Variants in ATP13A2 observed in about 807,000 individuals in gnomAD.
The protein encoded by ATP13A2 is ATPase cation transporting 13A2.
A neutral mutation model predicts 138.3 loss-of-function variants in ATP13A2; 83 were observed. The observed-to-expected ratio is 0.60, with a 90% CI of 0.50 to 0.72. ATP13A2 has a LOEUF of 0.72. Among genes scored for constraint, ATP13A2 ranks in the 30% least tolerant of loss-of-function variants. The pLI is 0.00. For synonymous variants in ATP13A2, 663 were observed against 699.0 expected, an observed-to-expected ratio of 0.95 and a Z score of 0.81; for missense variants, 1,402 against 1,606.4, an observed-to-expected ratio of 0.87 and a Z score of 2.17.
chr1:16,989,074 C>T (rs1553165750), intron 23 of ATP13A2, among the ~76,000 whole-genome samples: 1 of 150,594 alleles, frequency 6.6e-6, no homozygotes, highest in Non-Finnish European at 1.5e-5. Flanking sequence ...CGCCACCATG[C>T]CCAACTAATT....
rs1390107559 is a variant in ATP13A2, at chr1:16,995,590, A to C, written c.1542+386T>G. On this transcript the variant is annotated intron_variant, in intron 15 of 28. Transcript: ENST00000326735. The surrounding 1 kb of genome is among the most constrained non-coding windows in gnomAD (Gnocchi z 4.1). Reference sequence around the variant, plus strand: ...AGCCTCCCGAGTAGCTGGGATTACAAGCATGTGCCATCATGCCTGGCTAAC... The same window carrying C: ...AGCCTCCCGAGTAGCTGGGATTACACGCATGTGCCATCATGCCTGGCTAAC... 31 of 347,196 alleles carry C rather than the reference A, an allele frequency of 8.9e-5. No homozygotes were observed. The Admixed American group carries it at 1.2e-3, about 14-fold the overall frequency. 21.5% of individuals were successfully genotyped at this position (347,196 alleles called of 1,614,324 possible).
At chr1:16,998,010 AAC>A (rs2077206750) in intron 11 of ATP13A2, among the ~76,000 whole-genome samples, 1 of 152,164 alleles carries the variant, frequency 6.6e-6, no homozygotes, top group Non-Finnish European at 1.5e-5. Flanking sequence ...CTGCCTAGCA[AAC>A]AGTGGCACTC....
At position 16,986,058 on chromosome 1, in the gene ATP13A2, T is replaced by C; in HGVS notation, c.*163A>G. The stretch of plus-strand genomic sequence containing the variant: ...CGGGATGGTCCAAGGTAGGGGACAG[T>C]AGTCAACGCTTCCCCAGGGTGGGGG... On this transcript the variant is annotated 3_prime_UTR_variant, in exon 29 of 29. Transcript: ENST00000326735. This position sits in a 1 kb window ranked among gnomAD's most constrained non-coding sequence, Gnocchi z 6.9. The C allele has an allele frequency of 1.3e-6, 2 of 1,509,684 alleles. No individual in the cohort carries two copies. Among genetic ancestry groups the C allele is most frequent in the Non-Finnish European group, 1.8e-6 (2 of 1,126,776 alleles). 93.5% of individuals were successfully genotyped at this position (1,509,684 alleles called of 1,614,324 possible).
At chr1:17,001,977 GC>G (rs2077374476) in intron 8 of ATP13A2, 56 bp downstream of exon 8, 2 of 1,558,636 alleles carry the variant, frequency 1.3e-6, no homozygotes, top group East Asian at 4.6e-5. Context: ...CAAGCCCTGG[GC>G]CAAGGTCACA....
chr1:16,988,462 G>A lies in ATP13A2; in HGVS notation c.2622C>T (p.Gly874=), dbSNP rs2076813210. The change falls in exon 24 of 29, where the codon GGC becomes GGT. Residue 874 remains glycine (G), a synonymous_variant. Coordinates refer to ENST00000326735, the MANE Select transcript of ATP13A2 (RefSeq NM_022089.4). ...CELQKLQYCV[G]MCGDGANDCG... is the part of the protein sequence containing the mutation. ...AGTCATTGGCGCCGTCTCCGCACAT[G>A]CCCACGCAGTACCTGAAGAGAGGTG... The A allele has an allele frequency of 3.1e-6, 5 of 1,613,736 alleles. No individual in the cohort carries two copies. In the South Asian group the frequency reaches 5.5e-5, roughly 18 times the overall value.
rs1047701202 is a variant in ATP13A2, at chr1:16,986,764, C to T, written c.3235+41G>A. The T allele has an allele frequency of 1.3e-6, 2 of 1,588,466 alleles. No homozygotes were observed. Among genetic ancestry groups the T allele is most frequent in the South Asian group, 1.1e-5 (1 of 88,630 alleles). Reference sequence around the variant, plus strand: ...CTCCCCAGCACCCCAGGGCTCCTCCCTCCCTCCGCCAGCATCTCCCGCCCG... The same window carrying T: ...CTCCCCAGCACCCCAGGGCTCCTCCTTCCCTCCGCCAGCATCTCCCGCCCG... On this transcript the variant is annotated intron_variant, in intron 27 of 28. Transcript: ENST00000326735. The surrounding 1 kb of genome is among the most constrained non-coding windows in gnomAD (Gnocchi z 6.9).
Position 16,998,259 on chromosome 1 carries a change from C to CA in ATP13A2, c.1040-1085dup, listed in dbSNP as rs1182389995. On this transcript the variant is annotated intron_variant, in intron 11 of 28. Transcript: ENST00000326735. The stretch of plus-strand genomic sequence containing the variant: ...TTACTCTGTCACCCAGGCTGGAGTG[C>CA]AGTGGTGCGATCTCGGCTCACTGCA... Among the ~76,000 whole-genome samples the CA allele has an allele frequency of 2.6e-5, 4 of 152,088 alleles. No homozygotes were observed. In the South Asian group the frequency reaches 8.3e-4, roughly 32 times the overall value.
At chr1:17,001,599 C>T (rs955093258) in intron 8 of ATP13A2, among the ~76,000 whole-genome samples, 1 of 152,202 alleles carries the variant, frequency 6.6e-6, no homozygotes, top group African/African-American at 2.4e-5. Context: ...TTCTCTTTGT[C>T]CCTGTGTGAC....
In ATP13A2 at chr1:16,992,543, C is replaced by T; in HGVS notation, c.1788G>A (p.Gly596=). The T allele has an allele frequency of 6.2e-7, 1 of 1,614,196 alleles. No individual in the cohort carries two copies. Among genetic ancestry groups the T allele is most frequent in the Non-Finnish European group, 8.5e-7 (1 of 1,180,030 alleles). Residue 596 remains glycine (G), a synonymous_variant, in exon 17 of 29, where the codon GGG becomes GGA. Transcript: ENST00000326735. The part of the protein sequence containing the change: ...EEEPAADSAF[G]TQVLAVMRPP... ...GTCTCATCACTGCCAAGACCTGGGT[C>T]CCAAATGCTGAGTCTGCAGCCGGCT...
intron 3 of ATP13A2, 94 bp downstream of exon 3, chr1:17,005,280 A>C (rs1410867718): frequency 6.6e-7 from 1 of 1,526,586 alleles, no homozygotes. Flanking sequence ...TGTCCCATGG[A>C]AAGTCAGTGG....
Position 16,990,066 on chromosome 1 carries a change from C to T in ATP13A2, c.2412+61G>A, listed in dbSNP as rs941921003. On this transcript the variant is annotated intron_variant, in intron 21 of 28. Transcript: ENST00000326735. ...CACCCTGGAGAGTTGGGGCCTGGGTCAGGTGACACAGGGGTGGGGTCACTG... is the reference window on the plus strand; with the variant it reads ...CACCCTGGAGAGTTGGGGCCTGGGTTAGGTGACACAGGGGTGGGGTCACTG... 15 of 1,613,542 alleles carry T rather than the reference C, an allele frequency of 9.3e-6. No homozygotes were observed. In the East Asian group the frequency reaches 1.6e-4, roughly 17 times the overall value.
Position 16,988,342 on chromosome 1 carries a change from C to A in ATP13A2, c.2742G>T (p.Glu914Asp), listed in dbSNP as rs146234171. ...CTTACCTGATGACCATGGGCACGCACTCAATACTGGCCATGCTCGAGGTGA... is the reference window on the plus strand; with the variant it reads ...CTTACCTGATGACCATGGGCACGCAATCAATACTGGCCATGCTCGAGGTGA... ...SPFTSSMASI[E>D]CVPMVIREGR... The change falls in exon 24 of 29, where the codon GAG becomes GAT. Residue 914 changes from glutamate to aspartate, a missense_variant. By Grantham distance (45) the Glu-to-Asp change is conservative (BLOSUM62 2). Coordinates refer to ENST00000326735, the MANE Select transcript of ATP13A2 (RefSeq NM_022089.4). 3.7e-6 allele frequency: 6 copies of A among 1,614,198 alleles called. No homozygotes were observed. In the East Asian group the frequency reaches 1.1e-4, roughly 30 times the overall value.
Position 16,991,747 on chromosome 1 carries a change from G to A in ATP13A2, c.2238C>T (p.Ala746=), listed in dbSNP as rs769228995. Reference sequence around the variant, plus strand: ...ATGCCATTGTACCTGTCACCATGACGGCGCGGATGCGGGTCCTTCGCAGAG... The same window carrying A: ...ATGCCATTGTACCTGTCACCATGACAGCGCGGATGCGGGTCCTTCGCAGAG... ...IQALRRTRIR[A]VMVTGDNLQT... Residue 746 remains alanine (A), a synonymous_variant, in exon 20 of 29, where the codon GCC becomes GCT. Transcript: ENST00000326735. 1.6e-5 allele frequency: 26 copies of A among 1,614,142 alleles called. No individual in the cohort carries two copies. The highest frequency in any genetic ancestry group is 2.2e-5 in the East Asian group (1 of 44,886).
intron 8 of ATP13A2, 89 bp downstream of exon 8, chr1:17,001,945 C>A (rs1309623192): frequency 7.3e-7 from 1 of 1,379,246 alleles, no homozygotes; most frequent in African/African-American, 1.4e-5. Flanking sequence ...CTGGTTGCCA[C>A]CGTAAAGTGG....
In ATP13A2 at chr1:17,011,918, G is replaced by C. The variant is rs2077816949; in HGVS notation, c.-180C>G. ...CACCTGGGCCACCAGGCTCGGCGCG[G>C]CTCCGACACTGCCGCAGTCCCTCCG... On this transcript the variant is annotated 5_prime_UTR_variant, in exon 1 of 29. Coordinates refer to ENST00000326735, the MANE Select transcript of ATP13A2 (RefSeq NM_022089.4). The surrounding 1 kb of genome is among the most constrained non-coding windows in gnomAD (Gnocchi z 7.3). The C allele has an allele frequency of 2.4e-6, 1 of 408,440 alleles. No individual in the cohort carries two copies. The highest frequency in any genetic ancestry group is 2.2e-5 in the African/African-American group (1 of 46,082). The allele number at this position is 408,440 out of a possible 1,614,324, so 25.3% of individuals were successfully genotyped here.
At chr1:17,002,925 T>C (rs2077413851) in intron 6 of ATP13A2, among the ~76,000 whole-genome samples, 1 of 152,210 alleles carries the variant, frequency 6.6e-6, no homozygotes, top group Non-Finnish European at 1.5e-5. Flanking sequence ...AGCTGGACCC[T>C]GAAAACACCT....
At position 17,002,330 on chromosome 1, in the gene ATP13A2, G is replaced by A. The variant is rs760715676; in HGVS notation, c.601C>T (p.Arg201Cys). Residue 201 changes from arginine to cysteine, a missense_variant, in exon 7 of 29, where the codon CGC becomes TGC. Transcript: ENST00000326735. ...TGGTCCTGGAGGCTGAGGCCATGGCGGGAGCGGTGGACGTCGTCACAAGAG... is the reference window on the plus strand; with the variant it reads ...TGGTCCTGGAGGCTGAGGCCATGGCAGGAGCGGTGGACGTCGTCACAAGAG... ...GRSCDDVHRS[R>C]HGLSLQDQMV... The A allele has an allele frequency of 1.0e-4, 166 of 1,613,440 alleles. No individual in the cohort carries two copies. The highest frequency in any genetic ancestry group is 1.3e-4 in the Non-Finnish European group (158 of 1,179,886).
chr1:17,000,820 C>T (rs1287204868), intron 8 of ATP13A2: 30 of 390,748 alleles, frequency 7.7e-5, no homozygotes, highest in South Asian at 1.2e-4. Flanking sequence ...CCTGTGCCTA[C>T]GCTCCCAGCT....
rs1419194128 is a variant in ATP13A2, at chr1:16,992,396, G to A, written c.1852C>T (p.Pro618Ser). ...TGGAGGACGCTGACTGGCACCGGGG[G>A]CTCCTCCTGCAGGGTTGGAGAGGCA... Reference protein sequence around the residue: ...WEPQLQAMEEPPVPVSVLHRF... With the variant: ...WEPQLQAMEESPVPVSVLHRF... The change falls in exon 18 of 29, where the codon CCC becomes TCC. Residue 618 changes from proline to serine, a missense_variant. Coordinates refer to ENST00000326735, the MANE Select transcript of ATP13A2 (RefSeq NM_022089.4). The A allele has an allele frequency of 1.4e-5, 23 of 1,613,682 alleles. No homozygotes were observed. The highest frequency in any genetic ancestry group is 1.9e-5 in the Non-Finnish European group (22 of 1,179,958).
Sources: allele counts gnomAD v4.1 joint callset (sites outside exome capture counted in the v4.1 genomes callset), GRCh38; gene constraint gnomAD v4.1.1; non-coding constraint Gnocchi (gnomAD v3.1); transcripts MANE v1.5; gene names NCBI Gene and HGNC (gene_info 2026-07-23, HGNC 2026-07-21).